The following PTRH2 variants were observed in gnomAD, a reference collection of about 807,000 sequenced individuals.
PTRH2 encodes the protein peptidyl-tRNA hydrolase 2, mitochondrial.
Under a neutral mutation model 12.3 loss-of-function variants are expected in PTRH2, and 10 were observed. The ratio of observed to expected loss-of-function variants is 0.81; its 90% CI spans 0.50 to 1.38. The LOEUF (loss-of-function observed/expected upper bound fraction) is 1.38, where lower values mean the gene tolerates loss of function less well. PTRH2 is among the 40% of genes most tolerant of loss of function. The pLI, the probability that PTRH2 is intolerant of heterozygous loss-of-function variation, is 0.00. For synonymous variants in PTRH2, 73 were observed against 77.4 expected (o/e 0.94, Z 0.30); for missense variants, 176 against 214.1 (o/e 0.82, Z 1.11).
At chr17:59,698,238 A>C (rs1021446067) in intron 1 of PTRH2, 7 of 487,612 alleles carry the variant, frequency 1.4e-5, no homozygotes, top group Non-Finnish European at 2.6e-5. Flanking sequence ...AAGTTCAAAA[A>C]CTCTATTCCT....
intron 1 of PTRH2, 61 bp from the exon 2 acceptor site, chr17:59,698,039 T>C: frequency 6.7e-7 from 1 of 1,494,388 alleles, no homozygotes; most frequent in African/African-American, 1.4e-5. Context: ...AGGTATAGGC[T>C]TATCAGAGAA....
intron 1 of PTRH2, among the ~76,000 whole-genome samples, chr17:59,706,583 A>G (rs1378968356): frequency 6.6e-6 from 1 of 151,990 alleles, no homozygotes; most frequent in Admixed American, 6.6e-5. Flanking sequence ...ACATATTCCC[A>G]GAGTCTAGTA....
chr17:59,697,701 G>A lies in PTRH2; in HGVS notation c.278C>T (p.Ala93Val), dbSNP rs2033466574. ...AAQCSHAAVSAYKQIQRRNPE... is the reference protein window; with the variant it reads ...AAQCSHAAVSVYKQIQRRNPE... ...ATTTCTTCTTTGAATCTGCTTGTAG[G>A]CTGAAACAGCAGCATGAGAGCACTG... The change falls in exon 2 of 2, where the codon GCC becomes GTC. Residue 93 changes from alanine (A) to valine (V), a missense_variant. By Grantham distance (64) the Ala-to-Val change is moderately conservative. Transcript: ENST00000393038. The A allele has an allele frequency of 2.5e-6, 4 of 1,614,048 alleles. No individual in the cohort carries two copies. The highest frequency in any genetic ancestry group is 1.3e-5 in the African/African-American group (1 of 74,916).
rs975176583 is a variant in PTRH2 at position 59,705,417 on chromosome 17, TTTTC to T, written c.-1+1950_-1+1953del. ...TGAGGATCAAACAGAGAAGTTGCCT[TTTTC>T]TTTATTTTTTTTTAAAGAGAAGGGG... On this transcript the variant is annotated intron_variant, in intron 1 of 1. Coordinates refer to ENST00000393038, the MANE Select transcript of PTRH2 (RefSeq NM_016077.5). 8.6e-5 allele frequency among the ~76,000 whole-genome samples: 13 copies of T among 152,010 alleles called. No individual in the cohort carries two copies. In the East Asian group the frequency reaches 1.4e-3, roughly 16 times the overall value.
intron 1 of PTRH2, among the ~76,000 whole-genome samples, chr17:59,702,203 T>C (rs1042431229): frequency 6.6e-6 from 1 of 152,158 alleles, no homozygotes; most frequent in Admixed American, 6.5e-5. Context: ...TAGTGATGAA[T>C]ATGGGCCACT....
intron 1 of PTRH2, among the ~76,000 whole-genome samples, chr17:59,705,929 A>G (rs895838601): frequency 3.3e-5 from 5 of 151,980 alleles, no homozygotes; most frequent in South Asian, 2.1e-4. Flanking sequence ...AAAAAACCCA[A>G]TAAGATCAAA....
chr17:59,704,506 T>C (rs536259207), intron 1 of PTRH2, among the ~76,000 whole-genome samples: 2 of 152,244 alleles, frequency 1.3e-5, no homozygotes, highest in African/African-American at 4.8e-5. Context: ...TACCATATAA[T>C]TGAAGTTACT....
chr17:59,698,963 G>C, intron 1 of PTRH2: 1 of 702,946 alleles, frequency 1.4e-6, no homozygotes, highest in Non-Finnish European at 2.6e-6. Flanking sequence ...ATGCAACAGG[G>C]TCCTCAATTT....
At chr17:59,698,886 C>CT (rs1216019061) in intron 1 of PTRH2, 7 of 716,440 alleles carry the variant, frequency 9.8e-6, no homozygotes, top group Non-Finnish European at 1.8e-5. Flanking sequence ...ATTTACACAG[C>CT]TGAAAGCACA....
intron 1 of PTRH2, 146 bp from the exon 2 acceptor site, chr17:59,698,124 T>C (rs2033482598): frequency 2.6e-6 from 2 of 755,192 alleles, no homozygotes; most frequent in South Asian, 1.9e-5. Flanking sequence ...CTGCACCCTG[T>C]TTCCAACACC....
intron 1 of PTRH2, among the ~76,000 whole-genome samples, chr17:59,705,774 G>A (rs937382390): frequency 2.6e-5 from 4 of 151,958 alleles, no homozygotes; most frequent in African/African-American, 4.8e-5. Context: ...AGCCAGATGT[G>A]GTGCCACATG....
chr17:59,697,623 T>G lies in PTRH2; in HGVS notation c.356A>C (p.Lys119Thr). ...AATCAGGGTTTCTTCATCAGGAGCT[T>G]TGACCACCACCTTGGGCTGGCCACA... ...EYCGQPKVVV[K>T]APDEETLIAL... The change falls in exon 2 of 2, where the codon AAA becomes ACA. Residue 119 changes from lysine (K) to threonine (T), a missense_variant. Lys to Thr is a moderately conservative substitution (Grantham distance 78). Transcript: ENST00000393038. 2.5e-6 allele frequency: 4 copies of G among 1,614,220 alleles called. No homozygotes were observed. The highest frequency in any genetic ancestry group is 3.4e-6 in the Non-Finnish European group (4 of 1,180,022).
chr17:59,697,308 G>A lies in PTRH2; in HGVS notation c.*131C>T. 3.6e-6 allele frequency: 4 copies of A among 1,116,488 alleles called. No homozygotes were observed. The South Asian group carries it at 6.7e-5, about 19-fold the overall frequency. The allele number at this position is 1,116,488 out of a possible 1,614,324, so 69.2% of individuals were successfully genotyped here. On this transcript the variant is annotated 3_prime_UTR_variant, in exon 2 of 2. Transcript: ENST00000393038. The stretch of plus-strand genomic sequence containing the variant: ...CCCAAGATGACAACTGCCAACCATA[G>A]AACATGGGAATAGGTTTTATTTTCA...
Position 59,698,046 on chromosome 17 carries a change from A to G in PTRH2, c.1-68T>C, listed in dbSNP as rs1461994498. 2.7e-6 allele frequency: 4 copies of G among 1,474,748 alleles called. No homozygotes were observed. The Admixed American group carries it at 8.1e-5, about 30-fold the overall frequency. The allele number at this position is 1,474,748 out of a possible 1,614,324, so 91.4% of individuals were successfully genotyped here. A position where few individuals can be genotyped will look rare whatever the true frequency, so the allele number is the denominator to read the frequency against. ...ACTTACAGAGGTATAGGCTTATCAG[A>G]GAAACATTTTGACTATACACTTAAT... On this transcript the variant is annotated intron_variant, in intron 1 of 1. Coordinates refer to ENST00000393038, the MANE Select transcript of PTRH2 (RefSeq NM_016077.5).
At chr17:59,704,341 G>A (rs1057428396) in intron 1 of PTRH2, among the ~76,000 whole-genome samples, 1 of 152,060 alleles carries the variant, frequency 6.6e-6, no homozygotes, top group Non-Finnish European at 1.5e-5. Context: ...GAATGGAAAA[G>A]ATAATGAATT....
chr17:59,706,329 T>C (rs1477562985), intron 1 of PTRH2, among the ~76,000 whole-genome samples: 1 of 152,130 alleles, frequency 6.6e-6, no homozygotes, highest in Non-Finnish European at 1.5e-5. Flanking sequence ...ATTACCTCCT[T>C]CTGCACCATG....
At chr17:59,700,555 C>T (rs535777206) in intron 1 of PTRH2, 1 of 152,174 alleles carries the variant, frequency 6.6e-6, no homozygotes, top group South Asian at 2.1e-4. Context: ...ATTCTTTCCA[C>T]TAATTTTAAC....
At chr17:59,700,634 A>G (rs747578494) in intron 1 of PTRH2, 49 of 152,226 alleles carry the variant, frequency 3.2e-4, no homozygotes, top group Non-Finnish European at 5.7e-4. Context: ...TAGAGCAAAA[A>G]GAAAAAGCAA....
chr17:59,701,624 C>T (rs1447042455), intron 1 of PTRH2, among the ~76,000 whole-genome samples: 1 of 152,184 alleles, frequency 6.6e-6, no homozygotes, highest in Non-Finnish European at 1.5e-5. Flanking sequence ...ATGAAGCTTA[C>T]ATTTTAGCAA....
Sources: gnomAD v4.1 joint callset for allele counts (sites outside exome capture counted in the v4.1 genomes callset) on GRCh38, gnomAD v4.1.1 for gene constraint, MANE v1.5 for transcripts, NCBI Gene and HGNC (gene_info 2026-07-23, HGNC 2026-07-21) for gene names.